Variants in COBL observed in about 807,000 individuals in gnomAD.
COBL encodes the protein cordon-bleu WH2 repeat protein.
In COBL, 51 loss-of-function variants were observed where a neutral mutation model predicts 98.8. The ratio of observed to expected loss-of-function variants is 0.52; its 90% confidence interval spans 0.41 to 0.65. COBL has a LOEUF of 0.65. COBL is among the 30% of genes least tolerant of loss of function. The pLI, the probability that COBL is intolerant of heterozygous loss-of-function variation, is 0.00. For missense variants in COBL, 1,617 were observed against 1,617.5 expected, an observed-to-expected ratio of 1.00 and a Z score of 0.01; for synonymous variants, 634 against 651.7, an observed-to-expected ratio of 0.97 and a Z score of 0.41.
chr7:51,180,682 A>T (rs987337353), intron 5 of COBL, among the ~76,000 whole-genome samples: 1 of 152,232 alleles, frequency 6.6e-6, no homozygotes, highest in Non-Finnish European at 1.5e-5. Context: ...CCCACCTGTT[A>T]TTCAGTTCTA....
chr7:51,135,668 C>T (rs4947574), intron 6 of COBL, among the ~76,000 whole-genome samples: 24,226 of 152,098 alleles, frequency 0.16, 2,747 homozygotes, highest in African/African-American at 0.31. Context: ...CTAGCAGGGG[C>T]GTGACACTCT....
intron 5 of COBL, among the ~76,000 whole-genome samples, chr7:51,138,897 C>T (rs1799486962): frequency 6.6e-6 from 1 of 152,154 alleles, no homozygotes; most frequent in Middle Eastern, 3.2e-3. Context: ...ATGGAACTCC[C>T]AGTTCCTCTT....
rs144031217 is a variant in COBL at position 51,230,065 on chromosome 7, T to G, written c.42-10121A>C. ...GACTGGCAGACCCCAGAGCTCTGGTTGACCTCGCTCCCCCAGCAGGGAAGA... is the reference window on the plus strand; with the variant it reads ...GACTGGCAGACCCCAGAGCTCTGGTGGACCTCGCTCCCCCAGCAGGGAAGA... On this transcript the variant is annotated intron_variant, in intron 1 of 12. Coordinates refer to ENST00000265136, the MANE Select transcript of COBL (RefSeq NM_015198.5). 8.0e-3 allele frequency among the ~76,000 whole-genome samples: 1,216 copies of G among 152,234 alleles called. 18 individuals are homozygous for G. The highest frequency in any genetic ancestry group is 0.028 in the African/African-American group (1,149 of 41,554).
At chr7:51,165,306 GAGC>G (rs1233909153) in intron 5 of COBL, among the ~76,000 whole-genome samples, 1 of 151,918 alleles carries the variant, frequency 6.6e-6, no homozygotes, top group Non-Finnish European at 1.5e-5. Context: ...ACCAAAAAAA[GAGC>G]AGGAGTAGCT....
intron 1 of COBL, among the ~76,000 whole-genome samples, chr7:51,309,958 G>T (rs1213565387): frequency 6.6e-6 from 1 of 152,158 alleles, no homozygotes; most frequent in African/African-American, 2.4e-5. Flanking sequence ...TAAACAACAG[G>T]CATTCTGAGA....
At chr7:51,233,783 C>G (rs1341021482) in intron 1 of COBL, among the ~76,000 whole-genome samples, 1 of 152,220 alleles carries the variant, frequency 6.6e-6, no homozygotes, top group African/African-American at 2.4e-5. Flanking sequence ...AGGATGTGCA[C>G]ATGCCAATGT....
rs1789711401 is a variant in COBL at position 51,187,994 on chromosome 7, C to T, written c.685+2856G>A. On this transcript the variant is annotated intron_variant, in intron 4 of 12. Transcript: ENST00000265136. Reference sequence around the variant, plus strand: ...CAGGCAATGAGAGAGTGAGGTCCAGCTTTGAGATGTGTGGGAGTCCCTGAC... The same window carrying T: ...CAGGCAATGAGAGAGTGAGGTCCAGTTTTGAGATGTGTGGGAGTCCCTGAC... 4 of 1,231,738 alleles carry T rather than the reference C, an allele frequency of 3.2e-6. No homozygotes were observed. In the African/African-American group the frequency reaches 4.7e-5, roughly 14 times the overall value. The allele number at this position is 1,231,738 out of a possible 1,614,324, so 76.3% of individuals were successfully genotyped here. A position where few individuals can be genotyped will look rare whatever the true frequency, so the allele number is the denominator to read the frequency against.
chr7:51,260,681 G>A (rs936589841), intron 1 of COBL, among the ~76,000 whole-genome samples: 8 of 152,336 alleles, frequency 5.3e-5, no homozygotes, highest in Middle Eastern at 6.8e-3. Flanking sequence ...AGGAAGGGTC[G>A]CTACAGGAGA....
At chr7:51,100,888 G>A (rs544341651) in intron 6 of COBL, among the ~76,000 whole-genome samples, 1 of 149,884 alleles carries the variant, frequency 6.7e-6, no homozygotes, top group South Asian at 2.2e-4. Flanking sequence ...GGGTGACACA[G>A]CAAGACTCCG....
chr7:51,226,185 G>A (rs774355086), intron 1 of COBL, among the ~76,000 whole-genome samples: 18 of 152,220 alleles, frequency 1.2e-4, no homozygotes, highest in Non-Finnish European at 2.1e-4. Flanking sequence ...TGTTTACCAT[G>A]TTGGCTACTC....
chr7:51,290,379 C>T (rs981677742), intron 1 of COBL, among the ~76,000 whole-genome samples: 1 of 152,132 alleles, frequency 6.6e-6, no homozygotes, highest in African/African-American at 2.4e-5. Context: ...CGGGTGATCA[C>T]CAGGGTCCTT....
At chr7:51,209,472 T>C (rs1225357342) in intron 2 of COBL, among the ~76,000 whole-genome samples, 2 of 152,148 alleles carry the variant, frequency 1.3e-5, no homozygotes, top group Non-Finnish European at 2.9e-5. Context: ...ATAACTACCA[T>C]GAGTTCTGAT....
At chr7:51,144,065 C>T (rs1219282119) in intron 5 of COBL, among the ~76,000 whole-genome samples, 3 of 152,192 alleles carry the variant, frequency 2.0e-5, no homozygotes, top group African/African-American at 7.2e-5. Flanking sequence ...AATGCAGTGA[C>T]ATCAGCATTG....
At chr7:51,211,221 T>G (rs2129077189) in intron 2 of COBL, among the ~76,000 whole-genome samples, 1 of 152,300 alleles carries the variant, frequency 6.6e-6, no homozygotes. Flanking sequence ...CCCATCCTGA[T>G]CTGCAGCTTT....
intron 2 of COBL, among the ~76,000 whole-genome samples, chr7:51,218,078 G>A (rs898873166): frequency 2.6e-5 from 4 of 152,192 alleles, no homozygotes; most frequent in African/African-American, 4.8e-5. Flanking sequence ...CACCACACTG[G>A]AGAGCAGGCT....
At chr7:51,129,057 T>A (rs1798494662) in intron 6 of COBL, among the ~76,000 whole-genome samples, 1 of 152,256 alleles carries the variant, frequency 6.6e-6, no homozygotes, top group Non-Finnish European at 1.5e-5. Flanking sequence ...TTCCTTAAAT[T>A]CTGTCACATC....
chr7:51,083,374 A>G (rs1389481259), intron 7 of COBL: 26 of 593,278 alleles, frequency 4.4e-5, no homozygotes, highest in Non-Finnish European at 6.3e-5. Context: ...AGTCATATCC[A>G]GCACCTAATC....
chr7:51,066,491 G>T (rs1056175824), intron 7 of COBL, among the ~76,000 whole-genome samples: 1 of 152,302 alleles, frequency 6.6e-6, no homozygotes, highest in Middle Eastern at 3.4e-3. Flanking sequence ...GACTGGCAAG[G>T]TTCAAGTCCT....
intron 1 of COBL, among the ~76,000 whole-genome samples, chr7:51,220,273 G>C (rs183917720): frequency 3.9e-5 from 6 of 152,278 alleles, no homozygotes; most frequent in Non-Finnish European, 8.8e-5. Flanking sequence ...TTGTCACAGG[G>C]ATGACACATC....
Sources: gnomAD v4.1 joint callset for allele counts (sites outside exome capture counted in the v4.1 genomes callset) on GRCh38, gnomAD v4.1.1 for gene constraint, MANE v1.5 for transcripts, NCBI Gene and HGNC (gene_info 2026-07-23, HGNC 2026-07-21) for gene names.